Variants in KLF3 observed in about 807,000 individuals in gnomAD.
KLF3 encodes KLF transcription factor 3.
Under a neutral mutation model 32.7 loss-of-function variants are expected in KLF3, and 6 were observed. The ratio of observed to expected loss-of-function variants is 0.18; its 90% CI spans 0.10 to 0.36. The LOEUF (loss-of-function observed/expected upper bound fraction) is 0.36. Ranked by LOEUF, KLF3 falls within the 10% of genes least tolerant of loss-of-function variation. The pLI is 1.00. For synonymous variants in KLF3, 145 were observed against 172.8 expected (o/e 0.84, Z 1.26); for missense variants, 338 against 449.7 (o/e 0.75, Z 2.25).
chr4:38,665,429 C>T (rs1258929778), intron 1 of KLF3, among the ~76,000 whole-genome samples: 2 of 152,102 alleles, frequency 1.3e-5, no homozygotes, highest in Non-Finnish European at 2.9e-5. Flanking sequence ...GGGCAGATAG[C>T]TACTGACAAG....
chr4:38,695,517 T>C (rs527718753), intron 5 of KLF3, among the ~76,000 whole-genome samples: 2 of 151,864 alleles, frequency 1.3e-5, no homozygotes, highest in African/African-American at 2.4e-5. Flanking sequence ...CCGAGAAAAA[T>C]GTGAAATTGG....
At chr4:38,665,035 G>A (rs1458130331) in intron 1 of KLF3, among the ~76,000 whole-genome samples, 2 of 140,718 alleles carry the variant, frequency 1.4e-5, no homozygotes, top group Non-Finnish European at 3.1e-5. Flanking sequence ...GCGCGCGGCC[G>A]CTCGCCCGCC....
chr4:38,680,592 A>G lies in KLF3; in HGVS notation c.-34A>G. ...TACCTTGTTTTGTTTTCTAGGCCAA[A>G]CACCAGAGCACCCTAGAAGGTTTAA... On this transcript the variant is annotated 5_prime_UTR_variant, in exon 2 of 6. Coordinates refer to ENST00000261438, the MANE Select transcript of KLF3 (RefSeq NM_016531.6). 3.8e-6 allele frequency: 6 copies of G among 1,570,596 alleles called. No individual in the cohort carries two copies. The highest frequency in any genetic ancestry group is 5.3e-6 in the Non-Finnish European group (6 of 1,141,020).
chr4:38,679,813 G>T (rs1722463531), intron 1 of KLF3, among the ~76,000 whole-genome samples: 1 of 152,110 alleles, frequency 6.6e-6, no homozygotes, highest in African/African-American at 2.4e-5. Flanking sequence ...TTTTAAAGAG[G>T]GTTTGTTAGA....
At chr4:38,695,900 A>C (rs1400164834) in intron 5 of KLF3, among the ~76,000 whole-genome samples, 1 of 152,144 alleles carries the variant, frequency 6.6e-6, no homozygotes, top group East Asian at 1.9e-4. Context: ...TTACTCAGAA[A>C]ATTTACAAAG....
At position 38,689,867 on chromosome 4, in the gene KLF3, C is replaced by T. The variant is rs764897827; in HGVS notation, c.683C>T (p.Ala228Val). The T allele has an allele frequency of 1.5e-6, 2 of 1,365,570 alleles. No individual in the cohort carries two copies. The highest frequency in any genetic ancestry group is 2.0e-5 in the Admixed American group (1 of 50,722). The allele number at this position is 1,365,570 out of a possible 1,614,324, so 84.6% of individuals were successfully genotyped here. ...ATGAACTCAGTGTCCCCCCCGCAAG[C>T]ATTGTTGCAAGAGTAAGTATATTTA... is the stretch of plus-strand genomic sequence containing the variant. ...PLMNSVSPPQALLQENHPSVI... is the reference protein window; with the variant it reads ...PLMNSVSPPQVLLQENHPSVI... Residue 228 changes from alanine (A) to valine (V), a missense_variant, in exon 4 of 6, where the codon GCA becomes GTA. Around this residue, in one of 2 missense-constraint regions of KLF3, gnomAD observed 272 missense variants for 313.4 expected, o/e 0.87. Coordinates refer to ENST00000261438, the MANE Select transcript of KLF3 (RefSeq NM_016531.6).
Position 38,700,299 on chromosome 4 carries a change from AT to A in KLF3, c.*3037del, listed in dbSNP as rs1723161699. On this transcript the variant is annotated 3_prime_UTR_variant, in exon 6 of 6. Coordinates refer to ENST00000261438, the MANE Select transcript of KLF3 (RefSeq NM_016531.6). Reference sequence around the variant, plus strand: ...ATTTTATTAAACACCCATCTGCACTATCAGTATTGCACTAATGTGGAATTTG... The same window carrying A: ...ATTTTATTAAACACCCATCTGCACTACAGTATTGCACTAATGTGGAATTTG... 1.3e-5 allele frequency: 2 copies of A among 152,220 alleles called. No homozygotes were observed. The highest frequency in any genetic ancestry group is 2.4e-5 in the African/African-American group (1 of 41,460). 9.4% of individuals were successfully genotyped at this position (152,220 alleles called of 1,614,324 possible).
At position 38,681,553 on chromosome 4, in the gene KLF3, G is replaced by T. The variant is rs576474697; in HGVS notation, c.57+871G>T. On this transcript the variant is annotated intron_variant, in intron 2 of 5. Transcript: ENST00000261438. ...GCTGCTTTTAGGCCGCCAGGGACTA[G>T]TGAGGAGTCTGGGGTTTCTGCAGGT... Among the ~76,000 whole-genome samples, 4 of 152,336 alleles carry T rather than the reference G, an allele frequency of 2.6e-5. No homozygotes were observed. In the South Asian group the frequency reaches 8.3e-4, roughly 32 times the overall value.
chr4:38,677,580 T>G (rs1267751856), intron 1 of KLF3, among the ~76,000 whole-genome samples: 2 of 152,162 alleles, frequency 1.3e-5, no homozygotes, highest in African/African-American at 2.4e-5. Flanking sequence ...CAGGATGACA[T>G]GAAGTGGGGA....
At chr4:38,692,135 A>T (rs1722893228) in intron 4 of KLF3, among the ~76,000 whole-genome samples, 1 of 152,224 alleles carries the variant, frequency 6.6e-6, no homozygotes, top group Non-Finnish European at 1.5e-5. Context: ...TTCCCTATTG[A>T]GTTGTGTATG....
chr4:38,687,038 C>T (rs1267243375), intron 2 of KLF3, among the ~76,000 whole-genome samples: 1 of 152,186 alleles, frequency 6.6e-6, no homozygotes, highest in Non-Finnish European at 1.5e-5. Flanking sequence ...ACAATAGTGG[C>T]CACCAGAGGG....
Position 38,680,725 on chromosome 4 carries a change from G to A in KLF3, c.57+43G>A, listed in dbSNP as rs752727483. ...GAACACCTCGCCTTATTTTTTCCAA[G>A]TGATGATAACATTATTGTGTGTTGA... On this transcript the variant is annotated intron_variant, in intron 2 of 5. Transcript: ENST00000261438. 1.2e-5 allele frequency: 17 copies of A among 1,439,490 alleles called. No homozygotes were observed. The South Asian group carries it at 1.5e-4, about 13-fold the overall frequency. 89.2% of individuals were successfully genotyped at this position (1,439,490 alleles called of 1,614,324 possible).
chr4:38,693,117 C>T (rs367936320), intron 4 of KLF3, among the ~76,000 whole-genome samples: 27 of 137,964 alleles, frequency 2.0e-4, no homozygotes, highest in South Asian at 4.5e-4. Context: ...CATATATATA[C>T]ATATATATAT....
chr4:38,693,096 A>G, intron 4 of KLF3, among the ~76,000 whole-genome samples: 1 of 114,466 alleles, frequency 8.7e-6, no homozygotes, highest in South Asian at 3.1e-4. Flanking sequence ...ATACACGTAT[A>G]TATATATGTA....
intron 4 of KLF3, among the ~76,000 whole-genome samples, chr4:38,691,387 G>A (rs980470199): frequency 3.9e-5 from 6 of 152,144 alleles, no homozygotes; most frequent in African/African-American, 1.4e-4. Flanking sequence ...TTTTTATGTT[G>A]AGGGATGTTT....
At chr4:38,667,656 G>C (rs1722084573) in intron 1 of KLF3, among the ~76,000 whole-genome samples, 1 of 152,232 alleles carries the variant, frequency 6.6e-6, no homozygotes. Flanking sequence ...GAAGTGGTTA[G>C]GGCGTTTGTT....
chr4:38,689,966 T>A, intron 4 of KLF3, 87 bp downstream of exon 4: 7 of 1,373,682 alleles, frequency 5.1e-6, no homozygotes, highest in Non-Finnish European at 7.0e-6. Flanking sequence ...ACACGTGTGA[T>A]GTGGTGTGGA....
intron 5 of KLF3, among the ~76,000 whole-genome samples, chr4:38,696,820 T>A (rs1000074352): frequency 2.0e-5 from 3 of 152,006 alleles, no homozygotes; most frequent in Admixed American, 2.0e-4. Flanking sequence ...TATTTGGTAG[T>A]CCCTCAGAAT....
At chr4:38,693,997 G>GGAGAACGTCA in intron 4 of KLF3, among the ~76,000 whole-genome samples, 1 of 152,272 alleles carries the variant, frequency 6.6e-6, no homozygotes. Flanking sequence ...ATGCCATGGG[G>GGAGAACGTCA]GAGCCGGCAC....
Sources: allele counts gnomAD v4.1 joint callset (sites outside exome capture counted in the v4.1 genomes callset), GRCh38; gene constraint gnomAD v4.1.1; regional missense constraint gnomAD v4.1.1; transcripts MANE v1.5; gene names NCBI Gene and HGNC (gene_info 2026-07-23, HGNC 2026-07-21).